MICU2: variants seen among roughly 807,000 people sequenced by gnomAD.
MICU2 encodes calcium uptake protein 2, mitochondrial.
A neutral mutation model predicts 60.4 loss-of-function variants in MICU2; 64 were observed. The observed-to-expected ratio is 1.06, with a 90% CI of 0.87 to 1.31. The LOEUF (loss-of-function observed/expected upper bound fraction) is 1.31, where lower values mean the gene tolerates loss of function less well. Ranked by LOEUF, MICU2 falls within the 50% of genes most tolerant of loss-of-function variation. The pLI, the probability that MICU2 is intolerant of heterozygous loss-of-function variation, is 0.00. For missense variants in MICU2, 569 were observed against 531.0 expected (o/e 1.07, Z -0.70); for synonymous variants, 201 against 175.0 (o/e 1.15, Z -1.17).
intron 6 of MICU2, among the ~76,000 whole-genome samples, chr13:21,519,344 T>A (rs767807163): frequency 3.3e-5 from 5 of 152,132 alleles, no homozygotes; most frequent in Non-Finnish European, 7.4e-5. Context: ...AGGCGTGAGC[T>A]ACCGTGCCCA....
chr13:21,497,624 C>T (rs982791762), intron 9 of MICU2, among the ~76,000 whole-genome samples: 7 of 152,022 alleles, frequency 4.6e-5, no homozygotes, highest in Non-Finnish European at 8.8e-5. Flanking sequence ...GCAGAAGGAT[C>T]CCTTGAGCAC....
At position 21,502,148 on chromosome 13, in the gene MICU2, TTC is replaced by T. The variant is rs537139433; in HGVS notation, c.933+776_933+777del. 4.4e-5 allele frequency among the ~76,000 whole-genome samples: 4 copies of T among 91,204 alleles called. No individual in the cohort carries two copies. In the Admixed American group the frequency reaches 6.0e-4, roughly 14 times the overall value. 59.8% of individuals were successfully genotyped at this position (91,204 alleles called of 152,430 possible). A position where few individuals can be genotyped will look rare whatever the true frequency, so the allele number is the denominator to read the frequency against. On this transcript the variant is annotated intron_variant, in intron 9 of 11. Transcript: ENST00000382374. ...TATCCATCAAGGCTATCAAGTTTTC[TTC>T]TTTTTTTTTGTTAAATTTATTTCTA...
intron 1 of MICU2, among the ~76,000 whole-genome samples, chr13:21,572,881 A>ATTACTCT: frequency 1.3e-5 from 2 of 152,194 alleles, no homozygotes; most frequent in South Asian, 4.1e-4. Flanking sequence ...ATTTATTATT[A>ATTACTCT]GGGAATATCA....
rs1199432965 is a variant in MICU2, at chr13:21,512,478, C to T, written c.663+1875G>A. Among the ~76,000 whole-genome samples the T allele has an allele frequency of 1.3e-4, 18 of 135,068 alleles. 1 individual carries two copies. The highest frequency in any genetic ancestry group is 4.2e-4 in the African/African-American group (15 of 35,824). 88.6% of individuals were successfully genotyped at this position (135,068 alleles called of 152,430 possible). ...TTTTTTTTTTTTTGAGACGGAGTCT[C>T]GCTCTGTTGCCCAGGCTGGAGTGCA... On this transcript the variant is annotated intron_variant, in intron 7 of 11. Transcript: ENST00000382374.
chr13:21,505,928 A>G (rs148074147), intron 8 of MICU2, among the ~76,000 whole-genome samples: 287 of 152,318 alleles, frequency 1.9e-3, no homozygotes, highest in African/African-American at 6.7e-3. Context: ...ATACTTAGAA[A>G]GACGCCATGC....
intron 2 of MICU2, among the ~76,000 whole-genome samples, chr13:21,561,711 CTTT>C (rs1171543592): frequency 7.5e-6 from 1 of 133,308 alleles, no homozygotes; most frequent in African/African-American, 2.8e-5. Context: ...TTTTTAGTCT[CTTT>C]TTTTTTATTA....
At position 21,560,735 on chromosome 13, in the gene MICU2, G is replaced by A. The variant is rs1887820997; in HGVS notation, c.358+6062C>T. ...TTATAGATTAGGGGTTACAAACTAG[G>A]TCAACAGGCCCAATTATGCTTGTAG... is the stretch of plus-strand genomic sequence containing the variant. On this transcript the variant is annotated intron_variant, in intron 2 of 11. Transcript: ENST00000382374. Among the ~76,000 whole-genome samples, 2 of 152,140 alleles carry A rather than the reference G, an allele frequency of 1.3e-5. 1 individual carries two copies. Among genetic ancestry groups the A allele is most frequent in the Non-Finnish European group, 2.9e-5 (2 of 68,032 alleles).
At chr13:21,544,524 A>AAAAC (rs1566154652) in intron 2 of MICU2, among the ~76,000 whole-genome samples, 2 of 146,568 alleles carry the variant, frequency 1.4e-5, no homozygotes, top group African/African-American at 5.0e-5. Context: ...ATGAAAAAAA[A>AAAAC]AAAAAAAAAA....
chr13:21,582,343 A>G (rs555806296), intron 1 of MICU2, among the ~76,000 whole-genome samples: 2 of 152,344 alleles, frequency 1.3e-5, no homozygotes, highest in African/African-American at 4.8e-5. Context: ...CATCATAAGA[A>G]GAGGATGGTT....
chr13:21,558,440 C>T (rs931472883), intron 2 of MICU2, among the ~76,000 whole-genome samples: 6 of 152,214 alleles, frequency 3.9e-5, no homozygotes. Flanking sequence ...AAGCAGCCAG[C>T]CTACAGTTTA....
intron 1 of MICU2, among the ~76,000 whole-genome samples, chr13:21,587,942 A>C (rs1454067069): frequency 2.6e-5 from 4 of 152,194 alleles, no homozygotes; most frequent in African/African-American, 2.4e-5. Context: ...TTTGAACTGC[A>C]TAGGTGGAGG....
intron 4 of MICU2, among the ~76,000 whole-genome samples, chr13:21,528,067 G>A (rs1462691437): frequency 1.3e-5 from 2 of 152,090 alleles, no homozygotes; most frequent in African/African-American, 4.8e-5. Context: ...TTTATATTCA[G>A]TATATTTTTG....
At chr13:21,500,371 A>AG (rs1482688248) in intron 9 of MICU2, among the ~76,000 whole-genome samples, 1 of 151,806 alleles carries the variant, frequency 6.6e-6, no homozygotes, top group Non-Finnish European at 1.5e-5. Context: ...TATATTAAAT[A>AG]GGGAAAAAAA....
intron 9 of MICU2, among the ~76,000 whole-genome samples, chr13:21,496,918 C>T (rs536917742): frequency 5.9e-5 from 9 of 152,022 alleles, no homozygotes; most frequent in Admixed American, 3.3e-4. Context: ...AAAAATTAGC[C>T]GGGCGTGGTG....
chr13:21,536,797 C>T (rs1051016961), intron 4 of MICU2, among the ~76,000 whole-genome samples: 1 of 152,212 alleles, frequency 6.6e-6, no homozygotes, highest in Non-Finnish European at 1.5e-5. Context: ...TAATTTATCA[C>T]CAATCTCAGG....
chr13:21,562,819 A>T (rs536461447), intron 2 of MICU2, among the ~76,000 whole-genome samples: 6 of 152,272 alleles, frequency 3.9e-5, no homozygotes, highest in African/African-American at 9.6e-5. Context: ...ATATTCATGT[A>T]TTCCTTTTCT....
chr13:21,514,536 A>T, intron 6 of MICU2, 118 bp from the exon 7 acceptor site: 1 of 691,586 alleles, frequency 1.4e-6, no homozygotes, highest in East Asian at 2.9e-5. Context: ...CTAAATATTA[A>T]CTTCTTTTTT....
chr13:21,596,446 CAG>C (rs1480577931), intron 1 of MICU2, among the ~76,000 whole-genome samples: 8 of 150,494 alleles, frequency 5.3e-5, no homozygotes, highest in African/African-American at 1.9e-4. Context: ...TTTTTTGAGA[CAG>C]AGTCTGGCTC....
At chr13:21,502,759 G>GGCA (rs1886207188) in intron 9 of MICU2, 167 bp downstream of exon 9, 2 of 346,290 alleles carry the variant, frequency 5.8e-6, no homozygotes, top group Non-Finnish European at 9.0e-6. Flanking sequence ...TTCTGTCTTA[G>GGCA]GCAGTTTTCC....
Sources: allele counts gnomAD v4.1 joint callset (sites outside exome capture counted in the v4.1 genomes callset), GRCh38; gene constraint gnomAD v4.1.1; transcripts MANE v1.5; gene names NCBI Gene and HGNC (gene_info 2026-07-23, HGNC 2026-07-21).